The following ANO2 variants were observed in gnomAD, a reference collection of about 807,000 sequenced individuals.
ANO2 encodes anoctamin-2.
ANO2 carries 101 observed loss-of-function variants against 124.2 expected under a neutral mutation model. That is an observed-to-expected ratio of 0.81 (90% confidence interval 0.69 to 0.96). The LOEUF is 0.96. ANO2 is among the 40% of genes least tolerant of loss of function. ANO2 has a pLI of 0.00. For missense variants in ANO2, 1,293 were observed against 1,274.5 expected, an observed-to-expected ratio of 1.01 and a Z score of -0.22; for synonymous variants, 486 against 482.5, an observed-to-expected ratio of 1.01 and a Z score of -0.09.
chr12:5,684,624 T>C (rs1203741328), intron 14 of ANO2, among the ~76,000 whole-genome samples: 2 of 152,146 alleles, frequency 1.3e-5, no homozygotes, highest in Non-Finnish European at 2.9e-5. Context: ...TCACTTCACC[T>C]AGGAAACCCA....
In ANO2 at chr12:5,821,794, T is replaced by C. The variant is rs189825530; in HGVS notation, c.892+5975A>G. 3.6e-3 allele frequency among the ~76,000 whole-genome samples: 550 copies of C among 152,296 alleles called. 3 individuals carry two copies. Among genetic ancestry groups the C allele is most frequent in the African/African-American group, 0.013 (524 of 41,558 alleles). ...ACCCATCTAACCATAAAGTGGGTCATGAACAGCAGCATTCCATCATCAAAC... is the reference window on the plus strand; with the variant it reads ...ACCCATCTAACCATAAAGTGGGTCACGAACAGCAGCATTCCATCATCAAAC... On this transcript the variant is annotated intron_variant, in intron 7 of 24. Coordinates refer to ENST00000682330, the MANE Select transcript of ANO2 (RefSeq NM_001364791.2).
intron 3 of ANO2, among the ~76,000 whole-genome samples, chr12:5,894,502 C>A (rs1175032579): frequency 6.6e-6 from 1 of 152,144 alleles, no homozygotes; most frequent in Non-Finnish European, 1.5e-5. Flanking sequence ...AATTAGATCC[C>A]CTTTGTCAAT....
At position 5,566,113 on chromosome 12, in the gene ANO2, G is replaced by A. The variant is rs12318908; in HGVS notation, c.2622-450C>T. ...TGCAGACACCAGCAGGCAGTCTTGG[G>A]CTTCTTCCCCTTCCAGATGCTTCAG... is the stretch of plus-strand genomic sequence containing the variant. On this transcript the variant is annotated intron_variant, in intron 23 of 24. Transcript: ENST00000682330. Among the ~76,000 whole-genome samples, 577 of 152,276 alleles carry A rather than the reference G, an allele frequency of 3.8e-3. 2 individuals are homozygous for A. Among genetic ancestry groups the A allele is most frequent in the African/African-American group, 0.013 (559 of 41,548 alleles).
At chr12:5,911,321 T>C (rs1248635848) in intron 3 of ANO2, among the ~76,000 whole-genome samples, 5 of 152,174 alleles carry the variant, frequency 3.3e-5, no homozygotes, top group African/African-American at 1.2e-4. Flanking sequence ...AGGTCCCTCC[T>C]GGCAGTTGCT....
rs572981777 is a variant in ANO2, at chr12:5,761,149, T to C, written c.1056-10179A>G. 3.3e-5 allele frequency among the ~76,000 whole-genome samples: 5 copies of C among 150,952 alleles called. No homozygotes were observed. The East Asian group carries it at 5.9e-4, about 18-fold the overall frequency. On this transcript the variant is annotated intron_variant, in intron 10 of 24. Transcript: ENST00000682330. Reference sequence around the variant, plus strand: ...TTACCCTAGATCTCTAATAAGCAAATACTCATCCAAAACTCCTTCTTAGAG... The same window carrying C: ...TTACCCTAGATCTCTAATAAGCAAACACTCATCCAAAACTCCTTCTTAGAG...
chr12:5,767,268 C>A (rs1401541606), intron 10 of ANO2, among the ~76,000 whole-genome samples: 8 of 152,178 alleles, frequency 5.3e-5, no homozygotes, highest in Non-Finnish European at 1.2e-4. Flanking sequence ...AGAGAAAGTT[C>A]CGAGGCTTTA....
rs575478222 is a variant in ANO2, at chr12:5,599,342, G to A, written c.2233+142C>T. ...TCTCAACTTTCATGTGGCACTGAAGGGAACACTGAATAGCCATGAAGCTCA... is the reference window on the plus strand; with the variant it reads ...TCTCAACTTTCATGTGGCACTGAAGAGAACACTGAATAGCCATGAAGCTCA... On this transcript the variant is annotated intron_variant, in intron 20 of 24. Coordinates refer to ENST00000682330, the MANE Select transcript of ANO2 (RefSeq NM_001364791.2). 63 of 1,023,316 alleles carry A rather than the reference G, an allele frequency of 6.2e-5. No individual in the cohort carries two copies. In the Admixed American group the frequency reaches 1.7e-3, roughly 28 times the overall value. 63.4% of individuals were successfully genotyped at this position (1,023,316 alleles called of 1,614,324 possible). A position where few individuals can be genotyped will look rare whatever the true frequency, so the allele number is the denominator to read the frequency against.
At chr12:5,716,634 A>G (rs1406980993) in intron 14 of ANO2, among the ~76,000 whole-genome samples, 2 of 152,188 alleles carry the variant, frequency 1.3e-5, no homozygotes, top group African/African-American at 4.8e-5. Context: ...CAGATGCCCA[A>G]ATTCAGGAGA....
chr12:5,856,896 T>C (rs1019488715), intron 3 of ANO2, among the ~76,000 whole-genome samples: 1 of 152,226 alleles, frequency 6.6e-6, no homozygotes, highest in African/African-American at 2.4e-5. Context: ...CAGCAAAGCA[T>C]GCATCTCCAC....
chr12:5,751,105 G>A (rs1951425063), intron 10 of ANO2, 135 bp from the exon 11 acceptor site: 1 of 828,736 alleles, frequency 1.2e-6, no homozygotes, highest in Non-Finnish European at 1.8e-6. Flanking sequence ...AGGGATGGAG[G>A]TTGCACGGGG....
chr12:5,619,741 C>A (rs765402153), intron 16 of ANO2, among the ~76,000 whole-genome samples: 1 of 152,218 alleles, frequency 6.6e-6, no homozygotes, highest in Non-Finnish European at 1.5e-5. Flanking sequence ...GTCCTCCAAA[C>A]GTCTGGCTTA....
chr12:5,813,023 A>AG (rs1953482138), intron 7 of ANO2, among the ~76,000 whole-genome samples: 1 of 151,014 alleles, frequency 6.6e-6, no homozygotes, highest in African/African-American at 2.4e-5. Context: ...AGAGAAAGAA[A>AG]AAAAGAAAGA....
chr12:5,830,340 G>A (rs748436634), intron 6 of ANO2, 95 bp downstream of exon 6: 92 of 1,273,102 alleles, frequency 7.2e-5, no homozygotes, highest in Non-Finnish European at 9.0e-5. Flanking sequence ...AAATAACGGT[G>A]TGAGGTGGCA....
intron 3 of ANO2, among the ~76,000 whole-genome samples, chr12:5,895,869 AAG>A (rs1471033463): frequency 6.6e-6 from 1 of 152,238 alleles, no homozygotes; most frequent in Non-Finnish European, 1.5e-5. Context: ...CACAACTGCA[AAG>A]ATGGAGCCAA....
chr12:5,585,724 T>C (rs1943078977), intron 20 of ANO2, among the ~76,000 whole-genome samples: 1 of 152,146 alleles, frequency 6.6e-6, no homozygotes, highest in Non-Finnish European at 1.5e-5. Context: ...CATCCTCTCA[T>C]TTGGACTGTG....
intron 1 of ANO2, among the ~76,000 whole-genome samples, chr12:5,931,417 G>A (rs1357606181): frequency 6.6e-6 from 1 of 152,082 alleles, no homozygotes; most frequent in African/African-American, 2.4e-5. Context: ...AAAACATTGG[G>A]AATTAAAGCT....
intron 3 of ANO2, among the ~76,000 whole-genome samples, chr12:5,893,216 C>A (rs1160206498): frequency 6.6e-6 from 1 of 151,978 alleles, no homozygotes; most frequent in Non-Finnish European, 1.5e-5. Flanking sequence ...AAAGCAAATG[C>A]AACAATAACA....
chr12:5,684,637 C>G (rs1201590262), intron 14 of ANO2, among the ~76,000 whole-genome samples: 2 of 152,156 alleles, frequency 1.3e-5, no homozygotes, highest in African/African-American at 4.8e-5. Context: ...GAAACCCACC[C>G]CAACTAGCCA....
intron 3 of ANO2, among the ~76,000 whole-genome samples, chr12:5,911,824 C>T (rs1426813434): frequency 6.6e-6 from 1 of 152,222 alleles, no homozygotes; most frequent in Non-Finnish European, 1.5e-5. Flanking sequence ...CTTCAGTTCC[C>T]GCTCTAAGAT....
Sources: allele counts gnomAD v4.1 joint callset (sites outside exome capture counted in the v4.1 genomes callset), GRCh38; gene constraint gnomAD v4.1.1; transcripts MANE v1.5; gene names NCBI Gene and HGNC (gene_info 2026-07-23, HGNC 2026-07-21).